Variants in KIAA2012 observed in about 807,000 individuals in gnomAD.
The protein encoded by KIAA2012 is KIAA2012.
Under a neutral mutation model 150.6 loss-of-function variants are expected in KIAA2012, and 125 were observed. The ratio of observed to expected loss-of-function variants is 0.83; its 90% confidence interval spans 0.72 to 0.96. The LOEUF (loss-of-function observed/expected upper bound fraction) is 0.96, where lower values mean the gene tolerates loss of function less well. Ranked by LOEUF, KIAA2012 falls within the 40% of genes least tolerant of loss-of-function variation. KIAA2012 has a pLI of 0.00. For synonymous variants in KIAA2012, 462 were observed against 504.7 expected, an observed-to-expected ratio of 0.92 and a Z score of 1.13; for missense variants, 1,219 against 1,354.9, an observed-to-expected ratio of 0.90 and a Z score of 1.57.
chr2:202,132,794 A>AC (rs1206617022), intron 12 of KIAA2012, among the ~76,000 whole-genome samples: 4 of 78,220 alleles, frequency 5.1e-5, no homozygotes, highest in Non-Finnish European at 1.0e-4. Flanking sequence ...ATGCGTATAT[A>AC]TATATATATT....
intron 2 of KIAA2012, among the ~76,000 whole-genome samples, chr2:202,087,928 T>G (rs1689611728): frequency 6.6e-6 from 1 of 151,538 alleles, no homozygotes; most frequent in Non-Finnish European, 1.5e-5. Context: ...AGGCCCTCCA[T>G]GTCTTCACTT....
intron 13 of KIAA2012, among the ~76,000 whole-genome samples, chr2:202,152,969 G>A (rs1032817670): frequency 1.3e-5 from 2 of 152,088 alleles, no homozygotes; most frequent in African/African-American, 4.8e-5. Flanking sequence ...ACATATTAAT[G>A]TATGTGACCC....
intron 8 of KIAA2012, 107 bp from the exon 9 acceptor site, chr2:202,105,654 A>G (rs1332699292): frequency 1.0e-5 from 15 of 1,435,494 alleles, no homozygotes; most frequent in Non-Finnish European, 1.4e-5. Context: ...CACTGCTCCA[A>G]CCAAACCACA....
intron 15 of KIAA2012, among the ~76,000 whole-genome samples, chr2:202,184,168 G>T (rs942400128): frequency 6.6e-6 from 1 of 151,984 alleles, no homozygotes; most frequent in African/African-American, 2.4e-5. Flanking sequence ...GGTGGATCAC[G>T]AGGTCAGGAG....
At chr2:202,109,296 A>G (rs1690283135) in intron 9 of KIAA2012, among the ~76,000 whole-genome samples, 2 of 151,820 alleles carry the variant, frequency 1.3e-5, no homozygotes, top group Admixed American at 1.3e-4. Context: ...AACCACCACC[A>G]CTCAATTCCT....
intron 3 of KIAA2012, among the ~76,000 whole-genome samples, chr2:202,091,416 C>A (rs957599730): frequency 6.6e-6 from 1 of 152,208 alleles, no homozygotes; most frequent in African/African-American, 2.4e-5. Context: ...GATCCCAGGT[C>A]CTCCCGGAAG....
chr2:202,106,958 A>G (rs996665246), intron 9 of KIAA2012, among the ~76,000 whole-genome samples: 1 of 152,222 alleles, frequency 6.6e-6, no homozygotes, highest in Non-Finnish European at 1.5e-5. Flanking sequence ...AGGAAGATGC[A>G]CATTAATGTG....
chr2:202,170,535 G>A (rs145014466), intron 15 of KIAA2012, among the ~76,000 whole-genome samples: 28 of 152,302 alleles, frequency 1.8e-4, no homozygotes, highest in African/African-American at 6.3e-4. Flanking sequence ...AAGTTTCATA[G>A]CCTTCATGGT....
chr2:202,133,754 T>C (rs1259235061), intron 12 of KIAA2012, among the ~76,000 whole-genome samples: 3 of 152,144 alleles, frequency 2.0e-5, no homozygotes, highest in Non-Finnish European at 2.9e-5. Context: ...GGATCTTAAA[T>C]CTCGTCCCAA....
intron 13 of KIAA2012, among the ~76,000 whole-genome samples, chr2:202,148,632 G>A (rs919565144): frequency 1.3e-5 from 2 of 152,194 alleles, no homozygotes; most frequent in Non-Finnish European, 2.9e-5. Flanking sequence ...GAAGCCCGCT[G>A]TGGCTCGGGG....
chr2:202,181,911 T>C (rs1460213272), intron 15 of KIAA2012, among the ~76,000 whole-genome samples: 1 of 152,072 alleles, frequency 6.6e-6, no homozygotes, highest in Non-Finnish European at 1.5e-5. Context: ...TTTCAAATTG[T>C]ACAATTCCCA....
intron 12 of KIAA2012, 118 bp from the exon 13 acceptor site, chr2:202,138,314 T>C: frequency 1.3e-6 from 1 of 746,758 alleles, no homozygotes; most frequent in Non-Finnish European, 2.3e-6. Flanking sequence ...GGTGTATATG[T>C]GCTTATAATC....
At chr2:202,195,675 C>G (rs1192415945) in intron 21 of KIAA2012, among the ~76,000 whole-genome samples, 1 of 152,172 alleles carries the variant, frequency 6.6e-6, no homozygotes, top group Non-Finnish European at 1.5e-5. Context: ...TCCCTACCCA[C>G]CTCCACCAAC....
intron 22 of KIAA2012, chr2:202,197,396 G>A (rs1027203732): frequency 3.4e-5 from 9 of 264,368 alleles, no homozygotes; most frequent in Non-Finnish European, 6.6e-5. Flanking sequence ...TATCTACTGA[G>A]TGCCTGTTAT....
intron 11 of KIAA2012, among the ~76,000 whole-genome samples, chr2:202,123,229 C>T (rs1376697427): frequency 6.6e-6 from 1 of 152,206 alleles, no homozygotes; most frequent in Non-Finnish European, 1.5e-5. Context: ...TCCGCCCTCT[C>T]GCCTGACACA....
intron 15 of KIAA2012, among the ~76,000 whole-genome samples, chr2:202,169,870 C>T (rs752321656): frequency 1.2e-4 from 18 of 152,148 alleles, no homozygotes; most frequent in South Asian, 2.1e-4. Flanking sequence ...TAGGGAAGGG[C>T]GGATTGCTTC....
intron 22 of KIAA2012, among the ~76,000 whole-genome samples, 192 bp from the exon 23 acceptor site, chr2:202,202,237 A>C (rs1692544295): frequency 6.6e-6 from 1 of 152,126 alleles, no homozygotes; most frequent in African/African-American, 2.4e-5. Flanking sequence ...TTCCAGTAGG[A>C]GGCTCATGGT....
At chr2:202,193,223 ACTGT>A in intron 19 of KIAA2012, 74 bp from the exon 20 acceptor site, 3 of 1,360,524 alleles carry the variant, frequency 2.2e-6, no homozygotes, top group Non-Finnish European at 3.1e-6. Flanking sequence ...TAGAGACAAC[ACTGT>A]CTGGGGTGGA....
At chr2:202,184,700 C>T (rs978982038) in intron 15 of KIAA2012, 53 bp from the exon 16 acceptor site, 2 of 1,295,772 alleles carry the variant, frequency 1.5e-6, no homozygotes, top group East Asian at 2.7e-5. Context: ...GTCTGATCTC[C>T]TCCTAGGATA....
Sources: gnomAD v4.1 joint callset for allele counts (sites outside exome capture counted in the v4.1 genomes callset) on GRCh38, gnomAD v4.1.1 for gene constraint, MANE v1.5 for transcripts, NCBI Gene and HGNC (gene_info 2026-07-23, HGNC 2026-07-21) for gene names.